ADRA1B: variants seen among roughly 807,000 people sequenced by gnomAD.
ADRA1B encodes the protein adrenoceptor alpha 1B.
In ADRA1B, 17 loss-of-function variants were observed where a neutral mutation model predicts 17.9. The ratio of observed to expected loss-of-function variants is 0.95; its 90% CI spans 0.65 to 1.42. ADRA1B has a LOEUF of 1.42. Ranked by LOEUF, ADRA1B falls within the 40% of genes most tolerant of loss-of-function variation. The pLI is 0.00. For missense variants in ADRA1B, 681 were observed against 722.1 expected, an observed-to-expected ratio of 0.94 and a Z score of 0.65; for synonymous variants, 366 against 327.6, an observed-to-expected ratio of 1.12 and a Z score of -1.27.
chr5:159,866,989 G>A (rs1753662851), intron 1 of ADRA1B: 1 of 152,182 alleles, frequency 6.6e-6, no homozygotes, highest in African/African-American at 2.4e-5. Context: ...TATTCCCATA[G>A]ATCTACTTCA....
At chr5:159,981,228 T>C in the ADRA1B span, among the ~76,000 whole-genome samples, 3 of 152,286 alleles carry the variant, frequency 2.0e-5, no homozygotes, top group South Asian at 6.2e-4. Context: ...GAGAATTACT[T>C]GTTGGGCAGG....
the ADRA1B span, among the ~76,000 whole-genome samples, chr5:159,980,283 G>C: frequency 6.6e-6 from 1 of 152,090 alleles, no homozygotes; most frequent in Non-Finnish European, 1.5e-5. Flanking sequence ...CATGTGACAG[G>C]CTGAACAGGT....
In ADRA1B at chr5:159,881,180, C is replaced by CAAA. The variant is rs35928792; in HGVS notation, c.-256+15999_-256+16001dup. 5.8e-3 allele frequency among the ~76,000 whole-genome samples: 332 copies of CAAA among 56,776 alleles called. 26 individuals are homozygous for CAAA. The highest frequency in any genetic ancestry group is 0.014 in the African/African-American group (249 of 18,004). The allele number at this position is 56,776 out of a possible 152,430, so 37.2% of individuals were successfully genotyped here. On this transcript the variant is annotated intron_variant, in intron 1 of 2. Transcript: ENST00000641205. ...TGGGCGACAGAGCGAGACTCCGTCT[C>CAAA]AAAAAAAAAAAAAAAAAAAAAAAAA...
chr5:159,978,504 C>T, the ADRA1B span, among the ~76,000 whole-genome samples: 4 of 152,200 alleles, frequency 2.6e-5, no homozygotes, highest in South Asian at 2.1e-4. Context: ...GAAGGCCTGC[C>T]GTCTGATTCT....
At chr5:159,886,141 T>C (rs17057235) in intron 1 of ADRA1B, among the ~76,000 whole-genome samples, 42,267 of 152,096 alleles carry the variant, frequency 0.28, 6,201 homozygotes, top group Non-Finnish European at 0.32. Context: ...TAAGTAATGG[T>C]GATGATTTTG....
chr5:159,981,776 G>A, the ADRA1B span, among the ~76,000 whole-genome samples: 434 of 152,254 alleles, frequency 2.9e-3, 2 homozygotes, highest in African/African-American at 8.9e-3. Context: ...GATTACAGAC[G>A]TGAGCTACCG....
At chr5:159,894,030 C>T (rs1277509030) in intron 1 of ADRA1B, among the ~76,000 whole-genome samples, 1 of 152,190 alleles carries the variant, frequency 6.6e-6, no homozygotes, top group Non-Finnish European at 1.5e-5. Context: ...CTCAGGCTGG[C>T]CCCTCACATG....
intron 1 of ADRA1B, among the ~76,000 whole-genome samples, chr5:159,879,868 C>T (rs1035699962): frequency 6.6e-5 from 10 of 151,986 alleles, no homozygotes; most frequent in East Asian, 1.9e-4. Flanking sequence ...TGGTGGCGGG[C>T]GCCTGTAATC....
At chr5:159,923,999 A>T (rs1052588057) in intron 1 of ADRA1B, among the ~76,000 whole-genome samples, 2 of 152,278 alleles carry the variant, frequency 1.3e-5, no homozygotes, top group Non-Finnish European at 2.9e-5. Context: ...AGTAAATGGT[A>T]GAGTCTATCA....
At chr5:159,872,224 T>C (rs1753750545) in intron 1 of ADRA1B, among the ~76,000 whole-genome samples, 1 of 152,208 alleles carries the variant, frequency 6.6e-6, no homozygotes. Context: ...ACATGTGGCC[T>C]TTTGAGTGTG....
At chr5:159,912,334 C>A (rs925975996), upstream of ADRA1B, among the ~76,000 whole-genome samples, 2 of 152,228 alleles carry the variant, frequency 1.3e-5, no homozygotes, top group African/African-American at 4.8e-5. Flanking sequence ...CATCACTTCA[C>A]TCTCCTGACC....
At chr5:159,923,840 C>T (rs556473326) in intron 1 of ADRA1B, among the ~76,000 whole-genome samples, 36 of 152,346 alleles carry the variant, frequency 2.4e-4, no homozygotes, top group Middle Eastern at 3.4e-3. Context: ...GTTTCCCAGG[C>T]GACTCTTATG....
chr5:159,882,091 T>G (rs1173165282), intron 1 of ADRA1B, among the ~76,000 whole-genome samples: 1 of 152,128 alleles, frequency 6.6e-6, no homozygotes, highest in African/African-American at 2.4e-5. Context: ...CCTGTGTGCA[T>G]AAAGTTTGTA....
chr5:159,928,439 C>T (rs140946774), intron 1 of ADRA1B, among the ~76,000 whole-genome samples: 29 of 152,278 alleles, frequency 1.9e-4, no homozygotes, highest in Middle Eastern at 6.8e-3. Flanking sequence ...CTCTCTGGTG[C>T]GAGCACAGGA....
At chr5:159,902,587 T>C (rs1754114812) in intron 1 of ADRA1B, among the ~76,000 whole-genome samples, 1 of 152,128 alleles carries the variant, frequency 6.6e-6, no homozygotes, top group Non-Finnish European at 1.5e-5. Flanking sequence ...CTCCCACTCT[T>C]CAAGGCCCCA....
rs575984563 is a variant in ADRA1B at position 159,905,810 on chromosome 5, T to A, written c.-255-10309T>A. ...GAAATGACCCTGAGCTGAGGTGTGATGAATGGAGACACTAGGCAAGAATAA... is the reference window on the plus strand; with the variant it reads ...GAAATGACCCTGAGCTGAGGTGTGAAGAATGGAGACACTAGGCAAGAATAA... On this transcript the variant is annotated intron_variant, in intron 1 of 2. Coordinates refer to the ADRA1B transcript ENST00000641205. 2.0e-5 allele frequency among the ~76,000 whole-genome samples: 3 copies of A among 151,724 alleles called. No homozygotes were observed. The South Asian group carries it at 6.3e-4, about 32-fold the overall frequency.
chr5:159,980,621 G>A, the ADRA1B span, among the ~76,000 whole-genome samples: 43 of 152,062 alleles, frequency 2.8e-4, no homozygotes, highest in African/African-American at 9.9e-4. Context: ...CTCAGCCTCC[G>A]TTTCCTGATT....
chr5:159,936,032 A>C (rs1754945454), intron 1 of ADRA1B, among the ~76,000 whole-genome samples: 2 of 152,186 alleles, frequency 1.3e-5, no homozygotes, highest in South Asian at 4.1e-4. Flanking sequence ...AATAACAGCT[A>C]ATTTTGTTGG....
At chr5:159,899,042 G>C (rs1420110426) in intron 1 of ADRA1B, among the ~76,000 whole-genome samples, 1 of 152,040 alleles carries the variant, frequency 6.6e-6, no homozygotes. Flanking sequence ...AGCTACGTGG[G>C]AGGCTGAAGC....
Sources: allele counts gnomAD v4.1 joint callset (sites outside exome capture counted in the v4.1 genomes callset), GRCh38; gene constraint gnomAD v4.1.1; transcripts MANE v1.5; gene names NCBI Gene and HGNC (gene_info 2026-07-23, HGNC 2026-07-21).